UBR2: variants seen among roughly 807,000 people sequenced by gnomAD.
The protein encoded by UBR2 is ubiquitin protein ligase E3 component n-recognin 2.
In UBR2, 92 loss-of-function variants were observed where a neutral mutation model predicts 247.9. The observed-to-expected ratio is 0.37, with a 90% confidence interval of 0.31 to 0.44. UBR2 has a LOEUF of 0.44. Among genes scored for constraint, UBR2 ranks in the 20% least tolerant of loss-of-function variants. The probability of loss-of-function intolerance (pLI) is 1.00; values close to 1 mark genes in which losing one functional copy is unlikely to be tolerated. For synonymous variants in UBR2, 672 were observed against 693.5 expected (o/e 0.97, Z 0.49); for missense variants, 1,613 against 2,112.6 (o/e 0.76, Z 4.64).
intron 7 of UBR2, among the ~76,000 whole-genome samples, chr6:42,611,066 G>A (rs1242989653): frequency 1.3e-5 from 2 of 149,356 alleles, no homozygotes; most frequent in East Asian, 2.0e-4. Flanking sequence ...GGCTGGTCTC[G>A]AACTCCTGAC....
chr6:42,663,271 G>A lies in UBR2; in HGVS notation c.3550G>A (p.Val1184Ile), dbSNP rs150004894. Residue 1184 changes from valine (V) to isoleucine (I), a missense_variant, in exon 32 of 47, where the codon GTT (valine) becomes ATT (isoleucine). This residue lies in a region of UBR2 where 1,524 missense variants were observed against 1,967.3 expected (regional missense o/e 0.77). Transcript: ENST00000372901. ...AHCWQRYFDS[V>I]QAKEQRRQQR... ...CTAATTGTAAAGGTATTTTGATTCC[G>A]TTCAAGCTAAAGAACAGCGAAGGCA... 72 of 1,604,030 alleles carry A rather than the reference G, an allele frequency of 4.5e-5. 1 individual carries two copies. The highest frequency in any genetic ancestry group is 2.3e-5 in the Non-Finnish European group (27 of 1,175,952).
intron 5 of UBR2, among the ~76,000 whole-genome samples, 190 bp downstream of exon 5, chr6:42,603,908 A>T (rs1003029220): frequency 1.7e-4 from 26 of 152,102 alleles, no homozygotes; most frequent in African/African-American, 5.6e-4. Context: ...TGGTTGGTTG[A>T]TTAGTTGGTT....
chr6:42,568,647 A>C lies in UBR2; in HGVS notation c.78+4250A>C, dbSNP rs561046278. On this transcript the variant is annotated intron_variant, in intron 1 of 46. Coordinates refer to ENST00000372901, the MANE Select transcript of UBR2 (RefSeq NM_001363705.2). The stretch of plus-strand genomic sequence containing the variant: ...TGGGAGGCTGAGGCAGGAGAATGGC[A>C]TGAACCCGGGAGGCGGAGCTTGCAG... Among the ~76,000 whole-genome samples the C allele has an allele frequency of 2.0e-5, 3 of 152,020 alleles. No homozygotes were observed. The South Asian group carries it at 6.2e-4, about 32-fold the overall frequency.
At chr6:42,594,047 T>C (rs1792824840) in intron 3 of UBR2, 144 bp from the exon 4 acceptor site, 1 of 529,260 alleles carries the variant, frequency 1.9e-6, no homozygotes. Context: ...CATTGAGAGG[T>C]TTGGCATTTT....
At position 42,689,583 on chromosome 6, in the gene UBR2, A is replaced by G; in HGVS notation, c.5039A>G (p.Gln1680Arg). Residue 1680 changes from glutamine to arginine, a missense_variant, in exon 46 of 47, where the codon CAG becomes CGG. Transcript: ENST00000372901. The surrounding 1 kb of genome is among the most constrained non-coding windows in gnomAD (Gnocchi z 4.0). The part of the protein sequence containing the change: ...VGIFLRVREC[Q>R]VLFLAGKTKG... ...TCTCTCTACAGAGTACGGGAATGTC[A>G]GGTGCTATTTTTAGCTGGCAAAACC... 1.2e-6 allele frequency: 2 copies of G among 1,614,110 alleles called. No homozygotes were observed. Among genetic ancestry groups the G allele is most frequent in the Non-Finnish European group, 1.7e-6 (2 of 1,179,954 alleles).
At chr6:42,687,516 T>A (rs962662101) in intron 44 of UBR2, among the ~76,000 whole-genome samples, 2 of 150,100 alleles carry the variant, frequency 1.3e-5, no homozygotes, top group African/African-American at 4.9e-5. Flanking sequence ...GAGAGCTGTA[T>A]GTTGTATTTT....
At chr6:42,614,248 G>A (rs1327464974) in intron 8 of UBR2, among the ~76,000 whole-genome samples, 17 of 117,652 alleles carry the variant, frequency 1.4e-4, no homozygotes, top group African/African-American at 5.0e-4. Context: ...ACACACACGC[G>A]CGCACATATA....
At chr6:42,565,474 A>G in intron 1 of UBR2, among the ~76,000 whole-genome samples, 1 of 152,226 alleles carries the variant, frequency 6.6e-6, no homozygotes, top group African/African-American at 2.4e-5. Context: ...GTCCGGGTAG[A>G]AAGAAATGTC....
chr6:42,631,863 T>TATATATATAC (rs1795740924), intron 11 of UBR2, among the ~76,000 whole-genome samples: 1 of 89,816 alleles, frequency 1.1e-5, no homozygotes, highest in Non-Finnish European at 2.2e-5. Context: ...TCTGATTTTA[T>TATATATATAC]ATATATATAT....
At chr6:42,683,695 C>T (rs998260009) in intron 43 of UBR2, among the ~76,000 whole-genome samples, 3 of 152,186 alleles carry the variant, frequency 2.0e-5, no homozygotes, top group Non-Finnish European at 4.4e-5. Flanking sequence ...ATCATGTTGG[C>T]ACTCAAAAAG....
At chr6:42,576,845 T>G (rs893257350) in intron 2 of UBR2, among the ~76,000 whole-genome samples, 3 of 152,160 alleles carry the variant, frequency 2.0e-5, no homozygotes, top group African/African-American at 7.2e-5. Context: ...TTAGGGCAGA[T>G]CCAAAGTAAG....
chr6:42,654,758 T>TA (rs36045293), intron 25 of UBR2, among the ~76,000 whole-genome samples: 4 of 152,068 alleles, frequency 2.6e-5, no homozygotes, highest in Admixed American at 6.6e-5. Flanking sequence ...ATAAGAGCAG[T>TA]AAAAAAACAA....
Position 42,632,815 on chromosome 6 carries a change from A to G in UBR2, c.1456A>G (p.Ile486Val), listed in dbSNP as rs1490358516. ...SLILDLKYVL[I>V]SKPTEWSDEL... ...TTTTATCTTGTTCAGGTATGTGTTA[A>G]TTAGCAAACCAACTGAATGGTCAGA... Residue 486 changes from isoleucine to valine, a missense_variant, in exon 13 of 47, where the codon ATT (isoleucine) becomes GTT (valine). Physicochemically the swap from Ile to Val is conservative, Grantham distance 29 (BLOSUM62 3). Transcript: ENST00000372901. 5 of 1,601,550 alleles carry G rather than the reference A, an allele frequency of 3.1e-6. No individual in the cohort carries two copies. The highest frequency in any genetic ancestry group is 4.2e-6 in the Non-Finnish European group (5 of 1,176,928).
chr6:42,635,296 A>T, intron 13 of UBR2, 122 bp from the exon 14 acceptor site: 2 of 1,001,584 alleles, frequency 2.0e-6, no homozygotes, highest in Non-Finnish European at 1.4e-6. Flanking sequence ...GTTTCCTGTT[A>T]AAACTTATAC....
rs543254204 is a variant in UBR2, at chr6:42,574,062, T to C, written c.338+69T>C. ...TGACCTCTTTTTTTCCCTGGAACTT[T>C]TGAGTTTTTGTTTAAAAATTATGAA... On this transcript the variant is annotated intron_variant, in intron 2 of 46. Transcript: ENST00000372901. The C allele has an allele frequency of 4.4e-5, 62 of 1,424,924 alleles. No individual in the cohort carries two copies. The African/African-American group carries it at 8.3e-4, about 19-fold the overall frequency. The allele number at this position is 1,424,924 out of a possible 1,614,324, so 88.3% of individuals were successfully genotyped here.
intron 44 of UBR2, among the ~76,000 whole-genome samples, chr6:42,685,795 C>T (rs185436768): frequency 4.6e-5 from 7 of 151,816 alleles, no homozygotes; most frequent in African/African-American, 1.2e-4. Flanking sequence ...GAGTATCACT[C>T]GAGCCCAGGA....
chr6:42,680,438 G>C (rs1319771807), intron 42 of UBR2, among the ~76,000 whole-genome samples: 3 of 152,100 alleles, frequency 2.0e-5, no homozygotes, highest in Admixed American at 2.0e-4. Flanking sequence ...CTCTTCCATA[G>C]GTTTTTTCTT....
chr6:42,614,514 C>T (rs563672180), intron 8 of UBR2, among the ~76,000 whole-genome samples: 7 of 150,356 alleles, frequency 4.7e-5, no homozygotes, highest in African/African-American at 1.5e-4. Context: ...ATTTGAAGAA[C>T]GTTTCTGAAG....
chr6:42,579,266 G>A (rs1791722012), intron 2 of UBR2, among the ~76,000 whole-genome samples: 1 of 151,986 alleles, frequency 6.6e-6, no homozygotes, highest in Admixed American at 6.6e-5. Context: ...GTGAGGAGGA[G>A]GTGCCACGCT....
Sources: allele counts gnomAD v4.1 joint callset (sites outside exome capture counted in the v4.1 genomes callset), GRCh38; gene constraint gnomAD v4.1.1; regional missense constraint gnomAD v4.1.1; non-coding constraint Gnocchi (gnomAD v3.1); transcripts MANE v1.5; gene names NCBI Gene and HGNC (gene_info 2026-07-23, HGNC 2026-07-21).